The following DRC9 variants were observed in gnomAD, a reference collection of about 807,000 sequenced individuals.
The protein encoded by DRC9 is dynein regulatory complex protein 9.
the DRC9 span, chr3:197,945,735 A>G: frequency 5.2e-5 from 39 of 747,076 alleles, no homozygotes; most frequent in Admixed American, 3.0e-4. Context: ...GTCTTGAATG[A>G]TGTTTCAGTT....
the DRC9 span, among the ~76,000 whole-genome samples, chr3:197,923,851 G>A: frequency 3.9e-5 from 6 of 152,192 alleles, no homozygotes; most frequent in Admixed American, 2.0e-4. Flanking sequence ...AGAAACACTC[G>A]AGGCCAGGAG....
chr3:197,900,077 C>T, the DRC9 span, among the ~76,000 whole-genome samples: 1 of 152,222 alleles, frequency 6.6e-6, no homozygotes, highest in South Asian at 2.1e-4. The surrounding 1 kb of genome is among the most constrained non-coding windows in gnomAD (Gnocchi z 4.7). Flanking sequence ...GCACTGAGAC[C>T]AGCCCCAGCC....
chr3:197,951,765 C>G, the DRC9 span: 1 of 180,990 alleles, frequency 5.5e-6, no homozygotes, highest in Non-Finnish European at 1.2e-5. Context: ...GTAGCGCGAT[C>G]TTGGCTCGCT....
the DRC9 span, among the ~76,000 whole-genome samples, chr3:197,895,763 C>T: frequency 2.7e-5 from 4 of 150,868 alleles, no homozygotes; most frequent in Non-Finnish European, 5.9e-5. Context: ...TTACTTGAGT[C>T]CAGGAGTTTG....
the DRC9 span, among the ~76,000 whole-genome samples, chr3:197,942,881 G>T: frequency 4.0e-5 from 5 of 126,066 alleles, no homozygotes; most frequent in Admixed American, 4.3e-4. Flanking sequence ...CAACAAGAGC[G>T]AAACTCCATC....
chr3:197,905,583 TA>T, the DRC9 span, among the ~76,000 whole-genome samples: 2 of 151,128 alleles, frequency 1.3e-5, no homozygotes, highest in African/African-American at 4.9e-5. Flanking sequence ...CTGTCTCCAC[TA>T]AAAAAAATAC....
At chr3:197,936,056 C>T in the DRC9 span, among the ~76,000 whole-genome samples, 6,104 of 151,618 alleles carry the variant, frequency 0.04, 148 homozygotes, top group South Asian at 0.073. Flanking sequence ...AAGACCTGCT[C>T]GGGAGGCTGA....
At chr3:197,938,580 A>G in the DRC9 span, 1 of 1,613,802 alleles carries the variant, frequency 6.2e-7, no homozygotes, top group Non-Finnish European at 8.5e-7. Context: ...GTGTCTCCGT[A>G]GTCATGATGG....
the DRC9 span, among the ~76,000 whole-genome samples, chr3:197,916,791 T>C: frequency 6.6e-6 from 1 of 151,750 alleles, no homozygotes. Flanking sequence ...AAAGCAAGCA[T>C]AGGCAGCGGT....
At chr3:197,915,388 C>T in the DRC9 span, among the ~76,000 whole-genome samples, 1 of 151,898 alleles carries the variant, frequency 6.6e-6, no homozygotes, top group Non-Finnish European at 1.5e-5. Context: ...GGTAAGGGCA[C>T]CACACAGGAC....
At chr3:197,903,165 C>G in the DRC9 span, among the ~76,000 whole-genome samples, 1 of 152,144 alleles carries the variant, frequency 6.6e-6, no homozygotes, top group East Asian at 1.9e-4. Context: ...CTATCTCTCA[C>G]CATTTACAAA....
At chr3:197,935,006 G>A in the DRC9 span, among the ~76,000 whole-genome samples, 1 of 151,862 alleles carries the variant, frequency 6.6e-6, no homozygotes, top group Non-Finnish European at 1.5e-5. Context: ...AATTAAAAAT[G>A]GCTATTTAAT....
the DRC9 span, among the ~76,000 whole-genome samples, chr3:197,902,105 T>TA: frequency 1.3e-5 from 2 of 152,310 alleles, no homozygotes; most frequent in South Asian, 4.1e-4. Flanking sequence ...TTCTGGATCT[T>TA]ATTTAAGACC....
At chr3:197,893,619 A>G in the DRC9 span, among the ~76,000 whole-genome samples, 4 of 151,712 alleles carry the variant, frequency 2.6e-5, no homozygotes, top group Non-Finnish European at 4.4e-5. Context: ...CGAGGTGGGC[A>G]GATCACAGAG....
At chr3:197,955,658 A>G in the DRC9 span, 2 of 1,115,716 alleles carry the variant, frequency 1.8e-6, no homozygotes, top group Non-Finnish European at 2.8e-6. Flanking sequence ...TGTAATTGGT[A>G]GCCTTTCAGA....
At chr3:197,955,605 G>T in the DRC9 span, 3 of 745,870 alleles carry the variant, frequency 4.0e-6, no homozygotes, top group Non-Finnish European at 4.9e-6. Context: ...GTATGTTCAC[G>T]TAGAGACTGA....
chr3:197,892,868 G>A, the DRC9 span: 1 of 1,385,396 alleles, frequency 7.2e-7, no homozygotes, highest in Non-Finnish European at 1.0e-6. Flanking sequence ...TCCATAGTGA[G>A]AGAAGGCAGA....
At chr3:197,916,008 C>T in the DRC9 span, among the ~76,000 whole-genome samples, 1 of 151,834 alleles carries the variant, frequency 6.6e-6, no homozygotes, top group Non-Finnish European at 1.5e-5. Context: ...TGTTTAGAGA[C>T]AGGATCTCCC....
At chr3:197,951,898 A>T in the DRC9 span, among the ~76,000 whole-genome samples, 1 of 152,064 alleles carries the variant, frequency 6.6e-6, no homozygotes. Context: ...GGGTTTCCCC[A>T]TGTTGGCCAG....
Sources: gnomAD v4.1 joint callset for allele counts (sites outside exome capture counted in the v4.1 genomes callset) on GRCh38, gnomAD v4.1.1 for gene constraint, Gnocchi (gnomAD v3.1) non-coding constraint, MANE v1.5 for transcripts, NCBI Gene and HGNC (gene_info 2026-07-23, HGNC 2026-07-21) for gene names.